Variants in PIAS4 observed in about 807,000 individuals in gnomAD.
PIAS4 encodes protein inhibitor of activated STAT 4.
In PIAS4, 7 loss-of-function variants were observed where a neutral mutation model predicts 58.0. That is an observed-to-expected ratio of 0.12 (90% confidence interval 0.07 to 0.23). The LOEUF (loss-of-function observed/expected upper bound fraction) is 0.23, where lower values mean the gene tolerates loss of function less well. Among genes scored for constraint, PIAS4 ranks in the 10% least tolerant of loss-of-function variants. The probability of loss-of-function intolerance (pLI) is 1.00; values close to 1 mark genes in which losing one functional copy is unlikely to be tolerated. For synonymous variants in PIAS4, 364 were observed against 312.4 expected (o/e 1.17, Z -1.74); for missense variants, 550 against 709.5 (o/e 0.78, Z 2.55).
intron 2 of PIAS4, among the ~76,000 whole-genome samples, chr19:4,023,579 C>G (rs1475091557): frequency 6.6e-6 from 1 of 152,240 alleles, no homozygotes; most frequent in African/African-American, 2.4e-5. Context: ...CCATGGCCTT[C>G]ATCCCGTCAG....
At chr19:4,022,615 C>G (rs987753115) in intron 2 of PIAS4, among the ~76,000 whole-genome samples, 1 of 151,994 alleles carries the variant, frequency 6.6e-6, no homozygotes, top group Non-Finnish European at 1.5e-5. Flanking sequence ...ATCCACCCCC[C>G]TCGGCCTCCC....
chr19:4,031,583 A>G (rs561774770), intron 7 of PIAS4, among the ~76,000 whole-genome samples: 41 of 152,198 alleles, frequency 2.7e-4, no homozygotes, highest in African/African-American at 9.6e-4. Context: ...AACTTGAGGG[A>G]GGAGGCTGGG....
At chr19:4,023,202 G>C (rs533156098) in intron 2 of PIAS4, among the ~76,000 whole-genome samples, 1 of 150,226 alleles carries the variant, frequency 6.7e-6, no homozygotes, top group Admixed American at 6.6e-5. Flanking sequence ...GGGCTGGCTG[G>C]GCACAGTGGC....
In PIAS4 at chr19:4,033,432, C is replaced by T; in HGVS notation, c.994C>T (p.Arg332Trp). ...VSLICPLVKM[R>W]LSVPCRAETC... is the part of the protein sequence containing the mutation. ...CCCTCCCCCACAGCTGGTGAAGATG[C>T]GGCTCTCCGTGCCCTGCCGGGCAGA... The change falls in exon 9 of 11, where the codon CGG becomes TGG. Residue 332 changes from arginine to tryptophan, a missense_variant. By Grantham distance (101) the Arg-to-Trp change is moderately radical. This residue lies in a region of PIAS4 where 225 missense variants were observed against 345.8 expected (regional missense o/e 0.65). Transcript: ENST00000262971. The T allele has an allele frequency of 1.3e-6, 2 of 1,554,874 alleles. No individual in the cohort carries two copies. Among genetic ancestry groups the T allele is most frequent in the Non-Finnish European group, 1.7e-6 (2 of 1,149,996 alleles).
intron 2 of PIAS4, among the ~76,000 whole-genome samples, chr19:4,019,402 A>G (rs149523849): frequency 5.7e-4 from 87 of 152,282 alleles, no homozygotes; most frequent in South Asian, 1.5e-3. Context: ...TTGTTCTTCA[A>G]TGACTGGGCC....
intron 9 of PIAS4, among the ~76,000 whole-genome samples, chr19:4,036,161 TACAAACAC>T (rs1460625271): frequency 0.23 from 4,320 of 18,864 alleles, 478 homozygotes; most frequent in African/African-American, 0.35. Flanking sequence ...CACACCGTCA[TACAAACAC>T]ACACACATCT....
At position 4,013,447 on chromosome 19, in the gene PIAS4, C is replaced by G. The variant is rs1170515487; in HGVS notation, c.454+98C>G. On this transcript the variant is annotated intron_variant, in intron 2 of 10. Transcript: ENST00000262971. This position sits in a 1 kb window ranked among gnomAD's most constrained non-coding sequence, Gnocchi z 5.1. ...CACAGCCGACTTCGAGTGATGTTCT[C>G]TGTGGCGCAGCCAGGGCGGGGAGCC... The G allele has an allele frequency of 8.9e-7, 1 of 1,128,836 alleles. No homozygotes were observed. Among genetic ancestry groups the G allele is most frequent in the Admixed American group, 2.2e-5 (1 of 45,978 alleles). The allele number at this position is 1,128,836 out of a possible 1,614,324, so 69.9% of individuals were successfully genotyped here.
intron 2 of PIAS4, among the ~76,000 whole-genome samples, chr19:4,021,121 T>C (rs1475276823): frequency 1.3e-5 from 2 of 152,150 alleles, no homozygotes; most frequent in Non-Finnish European, 2.9e-5. Flanking sequence ...GCCATGCTAG[T>C]GGGTGTGTAG....
chr19:4,020,749 C>G (rs76581438), intron 2 of PIAS4, among the ~76,000 whole-genome samples: 1 of 152,304 alleles, frequency 6.6e-6, no homozygotes, highest in African/African-American at 2.4e-5. Flanking sequence ...TGCACACCAG[C>G]ACACCTGGCT....
chr19:4,008,742 G>A (rs2039966380), intron 1 of PIAS4, among the ~76,000 whole-genome samples: 1 of 152,038 alleles, frequency 6.6e-6, no homozygotes, highest in Non-Finnish European at 1.5e-5. Flanking sequence ...CCTATTTTCT[G>A]CTCTTGAGCG....
chr19:4,036,859 C>T (rs2040301397), intron 9 of PIAS4, among the ~76,000 whole-genome samples: 1 of 148,448 alleles, frequency 6.7e-6, no homozygotes. Flanking sequence ...CACCCGCATG[C>T]CACACATCCA....
At chr19:4,022,359 G>GT (rs1328046764) in intron 2 of PIAS4, among the ~76,000 whole-genome samples, 9 of 151,196 alleles carry the variant, frequency 6.0e-5, no homozygotes, top group Non-Finnish European at 8.9e-5. Flanking sequence ...GTTTTTGGTG[G>GT]TTTTTTTTGA....
At position 4,037,924 on chromosome 19, in the gene PIAS4, CG is replaced by C; in HGVS notation, c.*52del. 2 of 1,542,500 alleles carry C rather than the reference CG, an allele frequency of 1.3e-6. No homozygotes were observed. Among genetic ancestry groups the C allele is most frequent in the African/African-American group, 1.4e-5 (1 of 73,202 alleles). On this transcript the variant is annotated 3_prime_UTR_variant, in exon 11 of 11. Transcript: ENST00000262971. The surrounding 1 kb of genome is among the most constrained non-coding windows in gnomAD (Gnocchi z 5.8). ...CTGGTGCTCACCACGCAGAGGGGCA[CG>C]GGCCAGCCTCGGGCGCAGAGGGAGG...
chr19:4,015,188 G>A (rs1448275653), intron 2 of PIAS4, among the ~76,000 whole-genome samples: 1 of 152,172 alleles, frequency 6.6e-6, no homozygotes, highest in Non-Finnish European at 1.5e-5. Context: ...CAGGTTCTTG[G>A]GCAGAGCTGG....
chr19:4,007,776 G>A lies in PIAS4; in HGVS notation c.16G>A (p.Val6Met). Residue 6 changes from valine (V) to methionine (M), a missense_variant, in exon 1 of 11, where the codon GTG becomes ATG. Physicochemically the swap from Val to Met is conservative, Grantham distance 21 (BLOSUM62 1). Around this residue, in one of 4 missense-constraint regions of PIAS4, gnomAD observed 42 missense variants for 84.3 expected, o/e 0.50. Transcript: ENST00000262971. MAAEL[V>M]EAKNMVMSFR... ...GGTGACCAAGATGGCGGCGGAGCTGGTGGAGGCCAAAGTGAGTGAGCGGTG... is the reference window on the plus strand; with the variant it reads ...GGTGACCAAGATGGCGGCGGAGCTGATGGAGGCCAAAGTGAGTGAGCGGTG... 8.2e-7 allele frequency: 1 copy of A among 1,216,474 alleles called. No individual in the cohort carries two copies. Among genetic ancestry groups the A allele is most frequent in the Non-Finnish European group, 1.0e-6 (1 of 971,500 alleles). 75.4% of individuals were successfully genotyped at this position (1,216,474 alleles called of 1,614,324 possible).
chr19:4,032,059 C>T (rs941294465), intron 7 of PIAS4, among the ~76,000 whole-genome samples: 10 of 152,150 alleles, frequency 6.6e-5, no homozygotes, highest in African/African-American at 2.4e-4. Context: ...GAAGGAAGAG[C>T]CCACTGCTCC....
chr19:4,022,269 C>A (rs754471716), intron 2 of PIAS4, among the ~76,000 whole-genome samples: 19 of 152,120 alleles, frequency 1.2e-4, no homozygotes, highest in Non-Finnish European at 2.4e-4. Flanking sequence ...ATTGTTCTTT[C>A]ATTTCTGATA....
At chr19:4,023,284 G>A (rs2040129113) in intron 2 of PIAS4, among the ~76,000 whole-genome samples, 1 of 151,716 alleles carries the variant, frequency 6.6e-6, no homozygotes, top group African/African-American at 2.4e-5. Context: ...TTCGAAACCA[G>A]CCTGGCCAAC....
At chr19:4,020,226 TTTAA>T (rs1327823761) in intron 2 of PIAS4, among the ~76,000 whole-genome samples, 8 of 152,112 alleles carry the variant, frequency 5.3e-5, no homozygotes. Flanking sequence ...TCTCGTGGGT[TTTAA>T]TTGAGAAAGT....
Sources: allele counts gnomAD v4.1 joint callset (sites outside exome capture counted in the v4.1 genomes callset), GRCh38; gene constraint gnomAD v4.1.1; regional missense constraint gnomAD v4.1.1; non-coding constraint Gnocchi (gnomAD v3.1); transcripts MANE v1.5; gene names NCBI Gene and HGNC (gene_info 2026-07-23, HGNC 2026-07-21).